Variants in UGT3A1 observed in about 807,000 individuals in gnomAD.
UGT3A1 encodes the protein UDP glycosyltransferase family 3 member A1.
Under a neutral mutation model 37.6 loss-of-function variants are expected in UGT3A1, and 40 were observed. The observed-to-expected ratio is 1.06, with a 90% CI of 0.83 to 1.38. UGT3A1 has a LOEUF of 1.38. Ranked by LOEUF, UGT3A1 falls within the 40% of genes most tolerant of loss-of-function variation. The pLI is 0.00. For synonymous variants in UGT3A1, 256 were observed against 232.3 expected, an observed-to-expected ratio of 1.10 and a Z score of -0.93; for missense variants, 642 against 634.2, an observed-to-expected ratio of 1.01 and a Z score of -0.13.
chr5:35,993,756 C>T (rs892052858), upstream of UGT3A1, among the ~76,000 whole-genome samples: 2 of 152,170 alleles, frequency 1.3e-5, no homozygotes, highest in Non-Finnish European at 2.9e-5. Context: ...CCTGCAGCCT[C>T]TCATCTCTCG....
At chr5:35,990,541 A>G (rs1740902488) in intron 1 of UGT3A1, among the ~76,000 whole-genome samples, 1 of 152,152 alleles carries the variant, frequency 6.6e-6, no homozygotes, top group Non-Finnish European at 1.5e-5. Flanking sequence ...AAAAGGAAGG[A>G]GGCTCCAAAA....
At chr5:35,958,633 T>G (rs1481580881) in intron 4 of UGT3A1, among the ~76,000 whole-genome samples, 1 of 152,128 alleles carries the variant, frequency 6.6e-6, no homozygotes, top group African/African-American at 2.4e-5. Context: ...CTCCGTAGAG[T>G]TTTGAAAACC....
At position 35,977,112 on chromosome 5, in the gene UGT3A1, G is replaced by A. The variant is rs1026137876; in HGVS notation, c.197-8979C>T. ...AAAGAGAAAGAAAGAAAGAGAAAGA[G>A]AGAAAGAAAAGAAGGAAGGAAGGAA... On this transcript the variant is annotated intron_variant, in intron 2 of 6. Transcript: ENST00000274278. Among the ~76,000 whole-genome samples, 168 of 86,098 alleles carry A rather than the reference G, an allele frequency of 2.0e-3. 12 individuals are homozygous for A. Among genetic ancestry groups the A allele is most frequent in the African/African-American group, 6.0e-3 (151 of 25,204 alleles). The allele number at this position is 86,098 out of a possible 152,430, so 56.5% of individuals were successfully genotyped here.
upstream of UGT3A1, among the ~76,000 whole-genome samples, chr5:35,992,231 T>A (rs765678285): frequency 6.6e-6 from 1 of 152,190 alleles, no homozygotes; most frequent in African/African-American, 2.4e-5. Context: ...TAATCTGAAT[T>A]TAAAGCATTA....
intron 4 of UGT3A1, chr5:35,961,535 A>G (rs1356367965): frequency 2.6e-5 from 4 of 152,260 alleles, no homozygotes; most frequent in African/African-American, 9.6e-5. Flanking sequence ...GGTGAAAGAA[A>G]TTAAACCTTG....
At chr5:35,959,797 TAC>T (rs138036092) in intron 4 of UGT3A1, among the ~76,000 whole-genome samples, 3 of 151,644 alleles carry the variant, frequency 2.0e-5, no homozygotes, top group African/African-American at 4.8e-5. Context: ...AAAAATAACA[TAC>T]ACACACACAC....
chr5:35,986,981 T>G lies in UGT3A1; in HGVS notation c.196+1469A>C, dbSNP rs1580961364. On this transcript the variant is annotated intron_variant, in intron 2 of 6. Coordinates refer to ENST00000274278, the MANE Select transcript of UGT3A1 (RefSeq NM_152404.4). ...GCAGCAATAAAAATGTATAAATTTT[T>G]TAAAAAGGAAAAAGAGTCAGAACCT... is the stretch of plus-strand genomic sequence containing the variant. 7.2e-5 allele frequency among the ~76,000 whole-genome samples: 11 copies of G among 152,204 alleles called. No homozygotes were observed. In the South Asian group the frequency reaches 2.1e-3, roughly 29 times the overall value.
intron 1 of UGT3A1, among the ~76,000 whole-genome samples, chr5:35,998,558 TG>T (rs1232349020): frequency 3.9e-5 from 6 of 152,238 alleles, no homozygotes. Flanking sequence ...ACTCTCTTGC[TG>T]GGACTTTTCG....
At chr5:35,990,859 T>A (rs1273264543) in intron 1 of UGT3A1, 1 of 1,165,368 alleles carries the variant, frequency 8.6e-7, no homozygotes, top group East Asian at 4.3e-5. Context: ...CAAGCTCTGG[T>A]CCTGGTCTCA....
chr5:35,972,828 G>A (rs565660178), intron 2 of UGT3A1, among the ~76,000 whole-genome samples: 2 of 151,574 alleles, frequency 1.3e-5, no homozygotes, highest in South Asian at 2.1e-4. Context: ...TGAGATCAAG[G>A]CTTTAAATTC....
chr5:35,983,943 A>G (rs1383750053), intron 2 of UGT3A1, among the ~76,000 whole-genome samples: 2 of 152,180 alleles, frequency 1.3e-5, no homozygotes, highest in African/African-American at 4.8e-5. Context: ...CACAACTAAA[A>G]TCATATCAAA....
At chr5:35,990,046 G>T (rs1219644668) in intron 1 of UGT3A1, among the ~76,000 whole-genome samples, 5 of 151,570 alleles carry the variant, frequency 3.3e-5, no homozygotes, top group Admixed American at 6.6e-5. Context: ...GAGTTGAGAT[G>T]GCGCCACTGC....
chr5:35,983,937 A>G (rs1041556680), intron 2 of UGT3A1, among the ~76,000 whole-genome samples: 1 of 152,204 alleles, frequency 6.6e-6, no homozygotes, highest in African/African-American at 2.4e-5. Context: ...ACACACCACA[A>G]CTAAAATCAT....
intron 1 of UGT3A1, chr5:35,990,818 A>T: frequency 1.4e-6 from 1 of 736,042 alleles, no homozygotes; most frequent in Non-Finnish European, 1.9e-6. Flanking sequence ...TGAAAGTCCC[A>T]CTGCGCTCTA....
At chr5:35,980,113 C>G (rs2149981730) in intron 2 of UGT3A1, among the ~76,000 whole-genome samples, 1 of 152,284 alleles carries the variant, frequency 6.6e-6, no homozygotes, top group Admixed American at 6.5e-5. Context: ...AAATTGTATA[C>G]TTTACATATA....
chr5:35,962,825 G>T (rs1211040993), intron 4 of UGT3A1: 5 of 695,592 alleles, frequency 7.2e-6, no homozygotes, highest in Non-Finnish European at 1.3e-5. Flanking sequence ...CAGACTCAGT[G>T]GTTCAGGATA....
intron 2 of UGT3A1, among the ~76,000 whole-genome samples, chr5:35,973,278 C>A (rs58482891): frequency 0.018 from 2,744 of 152,148 alleles, 82 homozygotes; most frequent in African/African-American, 0.062. Flanking sequence ...CAGAAAGTGT[C>A]AAAGGTTACC....
At chr5:35,963,537 A>G (rs1349081139) in intron 4 of UGT3A1, among the ~76,000 whole-genome samples, 1 of 152,216 alleles carries the variant, frequency 6.6e-6, no homozygotes, top group Non-Finnish European at 1.5e-5. Flanking sequence ...TTAGAAAAGG[A>G]AAAAAATAAA....
At position 35,991,186 on chromosome 5, in the gene UGT3A1, G is replaced by T. The variant is rs766584855; in HGVS notation, c.55C>A (p.Leu19Ile). 2 of 1,614,258 alleles carry T rather than the reference G, an allele frequency of 1.2e-6. No homozygotes were observed. The highest frequency in any genetic ancestry group is 2.7e-5 in the African/African-American group (2 of 75,080). Reference protein sequence around the residue: ...LVAFLLSGVLLSEAAKILTIS... With the variant: ...LVAFLLSGVLISEAAKILTIS... ...GTCAGGATTTTGGCAGCCTCTGAGA[G>T]CAGGACCCCAGAAAGAAGGAAGGCC... is the stretch of plus-strand genomic sequence containing the variant. Residue 19 changes from leucine to isoleucine, a missense_variant, in exon 1 of 7, where the codon CTC (leucine) becomes ATC (isoleucine). Physicochemically the swap from Leu to Ile is conservative, Grantham distance 5. Transcript: ENST00000274278.
Sources: allele counts gnomAD v4.1 joint callset (sites outside exome capture counted in the v4.1 genomes callset), GRCh38; gene constraint gnomAD v4.1.1; transcripts MANE v1.5; gene names NCBI Gene and HGNC (gene_info 2026-07-23, HGNC 2026-07-21).